The following MCF2L variants were observed in gnomAD, a reference collection of about 807,000 sequenced individuals.
MCF2L encodes guanine nucleotide exchange factor DBS.
MCF2L carries 97 observed loss-of-function variants against 153.4 expected under a neutral mutation model. The observed-to-expected ratio is 0.63, with a 90% CI of 0.54 to 0.75. The LOEUF (loss-of-function observed/expected upper bound fraction) is 0.75, where lower values mean the gene tolerates loss of function less well. Ranked by LOEUF, MCF2L falls within the 30% of genes least tolerant of loss-of-function variation. MCF2L has a pLI of 0.00. For synonymous variants in MCF2L, 659 were observed against 632.2 expected (o/e 1.04, Z -0.64); for missense variants, 1,347 against 1,495.2 (o/e 0.90, Z 1.64).
intron 1 of MCF2L, among the ~76,000 whole-genome samples, chr13:113,011,338 T>C (rs1182036351): frequency 2.0e-5 from 3 of 152,236 alleles, no homozygotes; most frequent in Non-Finnish European, 4.4e-5. Flanking sequence ...AGGGACAATA[T>C]TTAGAGTTTG....
Position 113,082,444 on chromosome 13 carries a change from G to C in MCF2L, c.1893G>C (p.Met631Ile), listed in dbSNP as rs1240098062. Reference protein sequence around the residue: ...LCVLEGYAAEMDNPLMAHLLS... With the variant: ...LCVLEGYAAEIDNPLMAHLLS... ...CCCTGCAGGGCTACGCCGCGGAGAT[G>C]GATAACCCACTGATGGCTCACCTCC... The change falls in exon 17 of 30, where the codon ATG (methionine) becomes ATC (isoleucine). Residue 631 changes from methionine (M) to isoleucine (I), a missense_variant. Physicochemically the swap from Met to Ile is conservative, Grantham distance 10. Transcript: ENST00000535094. 1 of 1,613,676 alleles carries C rather than the reference G, an allele frequency of 6.2e-7. No homozygotes were observed. Among genetic ancestry groups the C allele is most frequent in the Non-Finnish European group, 8.5e-7 (1 of 1,179,632 alleles).
chr13:113,060,259 C>T (rs944345582), intron 4 of MCF2L, among the ~76,000 whole-genome samples: 2 of 152,224 alleles, frequency 1.3e-5, no homozygotes, highest in African/African-American at 2.4e-5. Context: ...GCCAAGGTCA[C>T]GTTCGGAGGC....
intron 9 of MCF2L, among the ~76,000 whole-genome samples, chr13:113,073,895 A>G (rs549875704): frequency 6.6e-6 from 1 of 151,978 alleles, no homozygotes; most frequent in Admixed American, 6.6e-5. Flanking sequence ...AGCCTGGGCA[A>G]CAAGAACAAA....
At chr13:112,909,236 G>A (rs2081204710) in intron 2 of MCF2L, 2 of 779,668 alleles carry the variant, frequency 2.6e-6, no homozygotes, top group Non-Finnish European at 4.8e-6. Flanking sequence ...CTAATCCCTT[G>A]CTTGTGATTC....
intron 3 of MCF2L, chr13:113,026,762 A>G (rs2993308): frequency 0.66 from 394,694 of 596,796 alleles, 131,738 homozygotes; most frequent in East Asian, 0.85. Flanking sequence ...CAGAAAATCC[A>G]GTTAACAAAA....
chr13:112,946,736 C>T (rs2081640954), intron 2 of MCF2L, among the ~76,000 whole-genome samples: 1 of 152,216 alleles, frequency 6.6e-6, no homozygotes, highest in South Asian at 2.1e-4. Context: ...AGAAGAGGCA[C>T]TGTGAGGATG....
chr13:113,081,108 G>C, intron 15 of MCF2L, 105 bp from the exon 16 acceptor site: 1 of 976,610 alleles, frequency 1.0e-6, no homozygotes, highest in Non-Finnish European at 1.5e-6. Context: ...GTCCCCTCCT[G>C]CTGGGCAGGC....
At chr13:112,968,384 T>C, upstream of MCF2L, 1 of 1,521,822 alleles carries the variant, frequency 6.6e-7, no homozygotes, top group Admixed American at 2.0e-5. Context: ...GCCATGGCCC[T>C]GCATAGACAC....
intron 2 of MCF2L, among the ~76,000 whole-genome samples, chr13:112,952,308 C>A (rs1287041686): frequency 6.6e-6 from 1 of 152,300 alleles, no homozygotes; most frequent in East Asian, 1.9e-4. Context: ...GGCTCAGAGA[C>A]CTTGCAGCCC....
At chr13:112,914,524 G>A (rs1283427941) in intron 2 of MCF2L, among the ~76,000 whole-genome samples, 3 of 152,242 alleles carry the variant, frequency 2.0e-5, no homozygotes, top group Non-Finnish European at 4.4e-5. Flanking sequence ...AAAGAATAAA[G>A]GCTTTTTGAC....
chr13:113,091,618 G>A (rs979688236), intron 26 of MCF2L, among the ~76,000 whole-genome samples: 1 of 152,178 alleles, frequency 6.6e-6, no homozygotes, highest in African/African-American at 2.4e-5. Flanking sequence ...CAACTGGCAG[G>A]GCCGACCCGG....
At chr13:113,048,645 C>CGT (rs112895131) in intron 4 of MCF2L, among the ~76,000 whole-genome samples, 52 of 152,194 alleles carry the variant, frequency 3.4e-4, no homozygotes, top group African/African-American at 1.3e-3. Context: ...GTTTCACCCA[C>CGT]GTTAGCCAGG....
At chr13:112,938,755 C>T (rs2081547174) in intron 2 of MCF2L, among the ~76,000 whole-genome samples, 1 of 152,168 alleles carries the variant, frequency 6.6e-6, no homozygotes. Context: ...GCTACCAGGG[C>T]AAGGTTCTGG....
chr13:112,949,280 A>G (rs1358862240), intron 2 of MCF2L, among the ~76,000 whole-genome samples: 1 of 152,224 alleles, frequency 6.6e-6, no homozygotes, highest in African/African-American at 2.4e-5. Context: ...TCAGGCCCAG[A>G]TGGTTTTTCT....
intron 2 of MCF2L, among the ~76,000 whole-genome samples, chr13:112,953,829 C>T (rs1321791262): frequency 6.6e-6 from 1 of 152,198 alleles, no homozygotes; most frequent in Admixed American, 6.5e-5. Context: ...CTGGTAGGGG[C>T]TGGGTCAGAC....
chr13:113,009,014 G>C (rs1260745431), intron 1 of MCF2L: 1 of 152,320 alleles, frequency 6.6e-6, no homozygotes, highest in Non-Finnish European at 1.5e-5. Context: ...GGAGAGCGAA[G>C]CTCTGGAGAC....
rs1555370838 is a variant in MCF2L at position 113,033,171 on chromosome 13, CCCCCATGACGTGAGTGGA to C, written c.278+8418_278+8435del. Among the ~76,000 whole-genome samples the C allele has an allele frequency of 3.7e-4, 52 of 140,490 alleles. 3 individuals are homozygous for C. The highest frequency in any genetic ancestry group is 1.3e-3 in the African/African-American group (48 of 35,564). The allele number at this position is 140,490 out of a possible 152,430, so 92.2% of individuals were successfully genotyped here. On this transcript the variant is annotated intron_variant, in intron 3 of 29. Coordinates refer to ENST00000535094, the MANE Select transcript of MCF2L (RefSeq NM_001112732.3). ...TTAGTGGACCCCGTGGCGTGAGTGGCCCCCATGACGTGAGTGGACCCCGTGACGTGAGTGGCCCCCGTG... is the reference window on the plus strand; with the variant it reads ...TTAGTGGACCCCGTGGCGTGAGTGGCCCCCGTGACGTGAGTGGCCCCCGTG...
chr13:113,085,555 T>C (rs751455922), intron 20 of MCF2L, among the ~76,000 whole-genome samples: 5 of 152,106 alleles, frequency 3.3e-5, no homozygotes, highest in Admixed American at 6.5e-5. Context: ...CCCTCTAACC[T>C]TCAGGCAGGA....
intron 3 of MCF2L, among the ~76,000 whole-genome samples, chr13:113,025,691 G>T (rs1428626862): frequency 1.6e-5 from 2 of 123,202 alleles, no homozygotes; most frequent in African/African-American, 3.0e-5. Flanking sequence ...TCCCTGTCAT[G>T]GGGTCCCCGT....
Sources: allele counts gnomAD v4.1 joint callset (sites outside exome capture counted in the v4.1 genomes callset), GRCh38; gene constraint gnomAD v4.1.1; transcripts MANE v1.5; gene names NCBI Gene and HGNC (gene_info 2026-07-23, HGNC 2026-07-21).